The following XPR1 variants were observed in gnomAD, a reference collection of about 807,000 sequenced individuals.
The protein encoded by XPR1 is xenotropic and polytropic retrovirus receptor 1.
Under a neutral mutation model 87.5 loss-of-function variants are expected in XPR1, and 28 were observed. The ratio of observed to expected loss-of-function variants is 0.32; its 90% CI spans 0.24 to 0.44. The LOEUF (loss-of-function observed/expected upper bound fraction) is 0.44. Among genes scored for constraint, XPR1 ranks in the 20% least tolerant of loss-of-function variants. The pLI is 1.00. For missense variants in XPR1, 559 were observed against 862.3 expected (o/e 0.65, Z 4.41); for synonymous variants, 300 against 306.1 (o/e 0.98, Z 0.21).
intron 9 of XPR1, among the ~76,000 whole-genome samples, chr1:180,833,398 T>C (rs1472212702): frequency 1.3e-5 from 2 of 151,686 alleles, no homozygotes; most frequent in Non-Finnish European, 2.9e-5. Context: ...GGATAAAGAG[T>C]CAAGACCCAT....
In XPR1 at chr1:180,680,982, C is replaced by T. The variant is rs561826526; in HGVS notation, c.70-1378C>T. On this transcript the variant is annotated intron_variant, in intron 1 of 14. Transcript: ENST00000367590. ...CAGAAAGTTAAACACCACATGTTCTCACTCATATGTGGAACCTAAGAATAG... is the reference window on the plus strand; with the variant it reads ...CAGAAAGTTAAACACCACATGTTCTTACTCATATGTGGAACCTAAGAATAG... Among the ~76,000 whole-genome samples, 9 of 152,278 alleles carry T rather than the reference C, an allele frequency of 5.9e-5. 1 individual carries two copies. The South Asian group carries it at 1.2e-3, about 21-fold the overall frequency.
intron 14 of XPR1, among the ~76,000 whole-genome samples, chr1:180,882,757 T>TG (rs1652884143): frequency 6.6e-6 from 1 of 152,226 alleles, no homozygotes; most frequent in Non-Finnish European, 1.5e-5. Flanking sequence ...TGATCCTATT[T>TG]GGGCTCTCTC....
At chr1:180,814,623 G>A (rs1431529233) in intron 7 of XPR1, among the ~76,000 whole-genome samples, 1 of 152,142 alleles carries the variant, frequency 6.6e-6, no homozygotes, top group Non-Finnish European at 1.5e-5. Context: ...TAAGGGTTAT[G>A]CTTGATGCCT....
chr1:180,726,877 T>C (rs1422902513), intron 2 of XPR1, among the ~76,000 whole-genome samples: 14 of 150,660 alleles, frequency 9.3e-5, no homozygotes, highest in Admixed American at 9.2e-4. Context: ...ATGTTTTCTT[T>C]CTTTTTTTTT....
intron 9 of XPR1, among the ~76,000 whole-genome samples, chr1:180,832,660 G>T (rs1651108794): frequency 6.6e-6 from 1 of 152,196 alleles, no homozygotes. Flanking sequence ...TTTCCCCATT[G>T]CCTGTTTTTG....
chr1:180,838,242 C>G (rs1232556470), intron 11 of XPR1, among the ~76,000 whole-genome samples: 1 of 152,072 alleles, frequency 6.6e-6, no homozygotes, highest in Non-Finnish European at 1.5e-5. Flanking sequence ...AATATCTTTC[C>G]TGTTCATTAA....
chr1:180,851,812 T>C (rs567558361), intron 11 of XPR1, among the ~76,000 whole-genome samples: 28 of 152,274 alleles, frequency 1.8e-4, no homozygotes, highest in Admixed American at 8.5e-4. Flanking sequence ...ATGGTGTCAT[T>C]GATGCTTTTA....
At chr1:180,713,857 T>G (rs1657889479) in intron 2 of XPR1, among the ~76,000 whole-genome samples, 1 of 152,132 alleles carries the variant, frequency 6.6e-6, no homozygotes, top group Non-Finnish European at 1.5e-5. Flanking sequence ...CTTGTTTTGG[T>G]ATCAGGGTAA....
chr1:180,743,710 C>T (rs754629361), intron 2 of XPR1, among the ~76,000 whole-genome samples: 11 of 152,064 alleles, frequency 7.2e-5, no homozygotes, highest in Non-Finnish European at 1.5e-4. Context: ...TTTTCTTTCT[C>T]TGAGATTATC....
At chr1:180,846,851 CA>C (rs1442261064) in intron 11 of XPR1, among the ~76,000 whole-genome samples, 4 of 145,040 alleles carry the variant, frequency 2.8e-5, no homozygotes, top group African/African-American at 5.2e-5. Context: ...ATTTTCTTCA[CA>C]TAGTAAAAAA....
intron 14 of XPR1, among the ~76,000 whole-genome samples, chr1:180,880,576 T>C (rs1447161332): frequency 6.6e-6 from 1 of 152,250 alleles, no homozygotes; most frequent in African/African-American, 2.4e-5. Flanking sequence ...GATTTATTAA[T>C]ACTTGACTCT....
chr1:180,833,837 A>G (rs1440437997), intron 9 of XPR1, among the ~76,000 whole-genome samples: 2 of 152,228 alleles, frequency 1.3e-5, no homozygotes, highest in Non-Finnish European at 2.9e-5. Context: ...GATGAATTAT[A>G]AACATTTGTC....
At chr1:180,759,690 G>A (rs1042706818) in intron 2 of XPR1, among the ~76,000 whole-genome samples, 33 of 152,290 alleles carry the variant, frequency 2.2e-4, no homozygotes, top group East Asian at 5.8e-4. Context: ...AGAGGTACAA[G>A]GAGGAGCTGG....
chr1:180,672,668 A>G (rs939349571), intron 1 of XPR1, among the ~76,000 whole-genome samples: 11 of 152,166 alleles, frequency 7.2e-5, no homozygotes, highest in East Asian at 5.8e-4. Flanking sequence ...TATTCACCCA[A>G]TATTTCTGGT....
chr1:180,694,604 C>G (rs1321642021), intron 2 of XPR1, among the ~76,000 whole-genome samples: 1 of 152,068 alleles, frequency 6.6e-6, no homozygotes, highest in African/African-American at 2.4e-5. Context: ...TTTTAGTACA[C>G]TGGATCAATG....
intron 7 of XPR1, among the ~76,000 whole-genome samples, chr1:180,822,832 A>G (rs1410576757): frequency 6.6e-6 from 1 of 152,208 alleles, no homozygotes; most frequent in Non-Finnish European, 1.5e-5. Context: ...TCTGGTCTGT[A>G]GTACTTGATT....
chr1:180,760,937 A>G (rs564443548), intron 2 of XPR1, among the ~76,000 whole-genome samples: 1 of 152,012 alleles, frequency 6.6e-6, no homozygotes, highest in Non-Finnish European at 1.5e-5. Flanking sequence ...AATGGAACAG[A>G]ACAGAGCCCT....
At chr1:180,770,891 T>C (rs1648489294) in intron 2 of XPR1, among the ~76,000 whole-genome samples, 1 of 152,176 alleles carries the variant, frequency 6.6e-6, no homozygotes, top group Non-Finnish European at 1.5e-5. Context: ...TTATTATTAT[T>C]TTTCCTGCCT....
At chr1:180,689,425 CTT>C (rs1656905715) in intron 2 of XPR1, among the ~76,000 whole-genome samples, 1 of 152,042 alleles carries the variant, frequency 6.6e-6, no homozygotes, top group Admixed American at 6.6e-5. Context: ...GACTATTTAA[CTT>C]GTTAGAAAAA....
Sources: allele counts gnomAD v4.1 joint callset (sites outside exome capture counted in the v4.1 genomes callset), GRCh38; gene constraint gnomAD v4.1.1; transcripts MANE v1.5; gene names NCBI Gene and HGNC (gene_info 2026-07-23, HGNC 2026-07-21).